The following UNC5A variants were observed in gnomAD, a reference collection of about 807,000 sequenced individuals.
UNC5A encodes the protein netrin receptor UNC5A.
In UNC5A, 20 loss-of-function variants were observed where a neutral mutation model predicts 87.4. The ratio of observed to expected loss-of-function variants is 0.23; its 90% CI spans 0.16 to 0.33. UNC5A has a LOEUF of 0.33. Ranked by LOEUF, UNC5A falls within the 10% of genes least tolerant of loss-of-function variation. The probability of loss-of-function intolerance (pLI) is 1.00; values close to 1 mark genes in which losing one functional copy is unlikely to be tolerated. For synonymous variants in UNC5A, 438 were observed against 482.3 expected (o/e 0.91, Z 1.20); for missense variants, 844 against 1,133.4 (o/e 0.74, Z 3.67).
At chr5:176,837,197 C>A (rs146475212) in intron 1 of UNC5A, among the ~76,000 whole-genome samples, 1 of 152,150 alleles carries the variant, frequency 6.6e-6, no homozygotes, top group African/African-American at 2.4e-5. Flanking sequence ...CCATACCTCA[C>A]TCTCACAGTG....
At chr5:176,864,173 C>T (rs961327142) in intron 2 of UNC5A, among the ~76,000 whole-genome samples, 1 of 152,016 alleles carries the variant, frequency 6.6e-6, no homozygotes, top group Non-Finnish European at 1.5e-5. Flanking sequence ...GGATTCCCAG[C>T]GGAGGAGGAA....
At position 176,869,116 on chromosome 5, in the gene UNC5A, G is replaced by A; in HGVS notation, c.721+152G>A. On this transcript the variant is annotated intron_variant, in intron 5 of 14. Coordinates refer to ENST00000329542, the MANE Select transcript of UNC5A (RefSeq NM_133369.3). This position sits in a 1 kb window ranked among gnomAD's most constrained non-coding sequence, Gnocchi z 9.1. ...GCAGGATAAGCAAAGGGCTCTCTGTGACTGCTGGGGGCCCAGGGGCATGTC... is the reference window on the plus strand; with the variant it reads ...GCAGGATAAGCAAAGGGCTCTCTGTAACTGCTGGGGGCCCAGGGGCATGTC... The A allele has an allele frequency of 1.1e-6, 1 of 889,842 alleles. No homozygotes were observed. Among genetic ancestry groups the A allele is most frequent in the South Asian group, 1.9e-5 (1 of 53,768 alleles). 55.1% of individuals were successfully genotyped at this position (889,842 alleles called of 1,614,324 possible).
At position 176,874,347 on chromosome 5, in the gene UNC5A, G is replaced by A. The variant is rs1325180616; in HGVS notation, c.1159G>A (p.Gly387Arg). ...YQGSLCPRQD[G>R]PSPKFQLTNG... The stretch of plus-strand genomic sequence containing the variant: ...GGGCAGTCTCTGTCCCCGGCAGGAT[G>A]GGCCCAGCCCCAAGTTCCAGCTCAC... Residue 387 changes from glycine to arginine, a missense_variant, in exon 8 of 15, where the codon GGG (glycine) becomes AGG (arginine). Physicochemically the swap from Gly to Arg is moderately radical, Grantham distance 125. This residue lies in a region of UNC5A where 353 missense variants were observed against 387.5 expected (regional missense o/e 0.91). Transcript: ENST00000329542. The surrounding 1 kb of genome is among the most constrained non-coding windows in gnomAD (Gnocchi z 7.6). The A allele has an allele frequency of 6.2e-7, 1 of 1,613,628 alleles. No individual in the cohort carries two copies. Among genetic ancestry groups the A allele is most frequent in the African/African-American group, 1.3e-5 (1 of 75,044 alleles).
At chr5:176,862,910 A>G in intron 2 of UNC5A, 65 bp downstream of exon 2, 2 of 1,574,112 alleles carry the variant, frequency 1.3e-6, no homozygotes, top group African/African-American at 1.4e-5. Flanking sequence ...CCCCCAGAGG[A>G]GCCTGCAGCT....
At chr5:176,857,083 A>G (rs999915495) in intron 1 of UNC5A, among the ~76,000 whole-genome samples, 1 of 152,202 alleles carries the variant, frequency 6.6e-6, no homozygotes, top group African/African-American at 2.4e-5. Flanking sequence ...CACCTGCCTG[A>G]GCCCCGCTCC....
chr5:176,858,376 G>A (rs1166838677), intron 1 of UNC5A, among the ~76,000 whole-genome samples: 1 of 152,208 alleles, frequency 6.6e-6, no homozygotes, highest in Non-Finnish European at 1.5e-5. Context: ...AAGGAAGGGA[G>A]TTTCAGGCAG....
Position 176,874,349 on chromosome 5 carries a change from G to T in UNC5A, c.1161G>T (p.Gly387=). 1 of 1,613,578 alleles carries T rather than the reference G, an allele frequency of 6.2e-7. No homozygotes were observed. Among genetic ancestry groups the T allele is most frequent in the Non-Finnish European group, 8.5e-7 (1 of 1,179,864 alleles). The change falls in exon 8 of 15, where the codon GGG becomes GGT. Residue 387 remains glycine, a synonymous_variant. Transcript: ENST00000329542. This position sits in a 1 kb window ranked among gnomAD's most constrained non-coding sequence, Gnocchi z 7.6. ...YQGSLCPRQD[G]PSPKFQLTNG... ...GCAGTCTCTGTCCCCGGCAGGATGG[G>T]CCCAGCCCCAAGTTCCAGCTCACCA...
In UNC5A at chr5:176,880,096, A is replaced by C; in HGVS notation, c.*210A>C. Reference sequence around the variant, plus strand: ...CCTAGCCAGGCTGGCACTGCCACTCACACTCGGCCCCAGGGCCCAGGAGGG... The same window carrying C: ...CCTAGCCAGGCTGGCACTGCCACTCCCACTCGGCCCCAGGGCCCAGGAGGG... On this transcript the variant is annotated 3_prime_UTR_variant, in exon 15 of 15. Transcript: ENST00000329542. 1 of 629,062 alleles carries C rather than the reference A, an allele frequency of 1.6e-6. No homozygotes were observed. The allele number at this position is 629,062 out of a possible 1,614,324, so 39.0% of individuals were successfully genotyped here. A position where few individuals can be genotyped will look rare whatever the true frequency, so the allele number is the denominator to read the frequency against.
rs142884204 is a variant in UNC5A, at chr5:176,856,770, C to T, written c.71-5854C>T. Among the ~76,000 whole-genome samples the T allele has an allele frequency of 5.0e-4, 76 of 152,244 alleles. 1 individual carries two copies. The East Asian group carries it at 0.011, about 22-fold the overall frequency. On this transcript the variant is annotated intron_variant, in intron 1 of 14. Coordinates refer to ENST00000329542, the MANE Select transcript of UNC5A (RefSeq NM_133369.3). ...CACCTCCCCTCTGCCCAGTGCCACC[C>T]CTCCCCTCCCACTCCTCACGCAGGG...
At chr5:176,870,169 C>A (rs1758074891) in intron 5 of UNC5A, among the ~76,000 whole-genome samples, 1 of 152,190 alleles carries the variant, frequency 6.6e-6, no homozygotes, top group Admixed American at 6.5e-5. Flanking sequence ...GTCATCCGCG[C>A]CTCCCTGTCA....
At chr5:176,835,501 C>A (rs749393793) in intron 1 of UNC5A, among the ~76,000 whole-genome samples, 6 of 152,250 alleles carry the variant, frequency 3.9e-5, no homozygotes, top group African/African-American at 1.2e-4. Context: ...GCTCCAGAGC[C>A]TCCGACTCAT....
Position 176,838,107 on chromosome 5 carries a change from G to A in UNC5A, c.71-24517G>A, listed in dbSNP as rs1757189483. Among the ~76,000 whole-genome samples, 1 of 152,120 alleles carries A rather than the reference G, an allele frequency of 6.6e-6. No individual in the cohort carries two copies. Among genetic ancestry groups the A allele is most frequent in the Admixed American group, 6.5e-5 (1 of 15,284 alleles). The stretch of plus-strand genomic sequence containing the variant: ...CCCATAGGCTTCCGTTGAAATTCCC[G>A]GAACTCGTTCCAGGCAAAGTGGCCC... On this transcript the variant is annotated intron_variant, in intron 1 of 14. Coordinates refer to ENST00000329542, the MANE Select transcript of UNC5A (RefSeq NM_133369.3). The surrounding 1 kb of genome is among the most constrained non-coding windows in gnomAD (Gnocchi z 4.2).
intron 8 of UNC5A, among the ~76,000 whole-genome samples, chr5:176,876,027 G>C (rs1050929624): frequency 2.0e-5 from 3 of 152,234 alleles, no homozygotes; most frequent in Admixed American, 1.3e-4. Flanking sequence ...CCCAGGCCGG[G>C]GGGTGGCTGC....
chr5:176,874,012 G>T lies in UNC5A; in HGVS notation c.931G>T (p.Ala311Ser). The change falls in exon 7 of 15, where the codon GCC becomes TCC. Residue 311 changes from alanine to serine, a missense_variant. Ala to Ser is a moderately conservative substitution (Grantham distance 99, BLOSUM62 1). Around this residue, in one of 3 missense-constraint regions of UNC5A, gnomAD observed 314 missense variants for 466.5 expected, o/e 0.67. Coordinates refer to ENST00000329542, the MANE Select transcript of UNC5A (RefSeq NM_133369.3). This position sits in a 1 kb window ranked among gnomAD's most constrained non-coding sequence, Gnocchi z 7.6. ...CGTGGCCCTCTATGTGGGCCTCATC[G>T]CCGTGGCCGTCTGCCTGGTCCTGCT... is the stretch of plus-strand genomic sequence containing the variant. ...EDVALYVGLIAVAVCLVLLLL... is the reference protein window; with the variant it reads ...EDVALYVGLISVAVCLVLLLL... 2 of 1,613,876 alleles carry T rather than the reference G, an allele frequency of 1.2e-6. No homozygotes were observed. Among genetic ancestry groups the T allele is most frequent in the Non-Finnish European group, 1.7e-6 (2 of 1,179,930 alleles).
At chr5:176,863,816 CCCT>C (rs374074425) in intron 2 of UNC5A, among the ~76,000 whole-genome samples, 2 of 52,442 alleles carry the variant, frequency 3.8e-5, no homozygotes, top group African/African-American at 1.1e-4. Context: ...CCCCTCCTCC[CCCT>C]CCTCCTCCTC....
At position 176,878,345 on chromosome 5, in the gene UNC5A, C is replaced by T. The variant is rs780006834; in HGVS notation, c.1971C>T (p.His657=). Residue 657 remains histidine, a synonymous_variant, in exon 12 of 15, where the codon CAC becomes CAT. Coordinates refer to ENST00000329542, the MANE Select transcript of UNC5A (RefSeq NM_133369.3). ...ACCACAACCTGCGCCTATCCATCCA[C>T]GATGTGCCCAGCTCCCTGTGGAAGA... ...DSYHNLRLSI[H]DVPSSLWKSK... 4.3e-6 allele frequency: 7 copies of T among 1,613,650 alleles called. No individual in the cohort carries two copies. Among genetic ancestry groups the T allele is most frequent in the African/African-American group, 2.7e-5 (2 of 75,068 alleles).
chr5:176,858,141 G>A (rs777279564), intron 1 of UNC5A, among the ~76,000 whole-genome samples: 51 of 152,246 alleles, frequency 3.3e-4, no homozygotes, highest in Non-Finnish European at 6.3e-4. Context: ...TGTGCTGCAC[G>A]GCATGGACCG....
chr5:176,841,870 C>T lies in UNC5A; in HGVS notation c.71-20754C>T, dbSNP rs1257711083. Among the ~76,000 whole-genome samples the T allele has an allele frequency of 1.3e-5, 2 of 152,176 alleles. No individual in the cohort carries two copies. The highest frequency in any genetic ancestry group is 2.4e-5 in the African/African-American group (1 of 41,440). On this transcript the variant is annotated intron_variant, in intron 1 of 14. Coordinates refer to ENST00000329542, the MANE Select transcript of UNC5A (RefSeq NM_133369.3). The surrounding 1 kb of genome is among the most constrained non-coding windows in gnomAD (Gnocchi z 4.1). The stretch of plus-strand genomic sequence containing the variant: ...GGAAATGCAAGTCAAAACCACAATG[C>T]GATACCACCTTACTCCTGCAAGAAT...
intron 1 of UNC5A, among the ~76,000 whole-genome samples, chr5:176,828,027 G>A (rs563658624): frequency 2.1e-4 from 32 of 152,048 alleles, no homozygotes; most frequent in African/African-American, 5.8e-4. Context: ...CAGCCCTCTC[G>A]GACCCTGTGG....
Sources: gnomAD v4.1 joint callset for allele counts (sites outside exome capture counted in the v4.1 genomes callset) on GRCh38, gnomAD v4.1.1 for gene constraint, gnomAD v4.1.1 regional missense constraint, Gnocchi (gnomAD v3.1) non-coding constraint, MANE v1.5 for transcripts, NCBI Gene and HGNC (gene_info 2026-07-23, HGNC 2026-07-21) for gene names.